Variants in MPDZ observed in about 807,000 individuals in gnomAD.
MPDZ encodes the protein multiple PDZ domain crumbs cell polarity complex component.
In MPDZ, 234 loss-of-function variants were observed where a neutral mutation model predicts 239.1. That is an observed-to-expected ratio of 0.98 (90% CI 0.88 to 1.09). MPDZ has a LOEUF of 1.09. Ranked by LOEUF, MPDZ falls within the 50% of genes least tolerant of loss-of-function variation. MPDZ has a pLI of 0.00. For synonymous variants in MPDZ, 1,048 were observed against 881.3 expected, an observed-to-expected ratio of 1.19 and a Z score of -3.35; for missense variants, 3,175 against 2,510.0, an observed-to-expected ratio of 1.26 and a Z score of -5.66.
At chr9:13,222,665 A>G (rs1174085426) in intron 5 of MPDZ, among the ~76,000 whole-genome samples, 3 of 152,036 alleles carry the variant, frequency 2.0e-5, no homozygotes, top group African/African-American at 7.2e-5. Context: ...AACCCCTCCC[A>G]TATAAAAGTA....
intron 44 of MPDZ, 92 bp from the exon 45 acceptor site, chr9:13,110,156 G>T: frequency 1.2e-6 from 1 of 814,072 alleles, no homozygotes; most frequent in Non-Finnish European, 2.0e-6. Context: ...GGATTAAAAT[G>T]TATATTTTAT....
At position 13,115,232 on chromosome 9, in the gene MPDZ, C is replaced by T. The variant is rs934066233; in HGVS notation, c.5466+16G>A. The T allele has an allele frequency of 6.2e-7, 1 of 1,608,018 alleles. No individual in the cohort carries two copies. Among genetic ancestry groups the T allele is most frequent in the Non-Finnish European group, 8.5e-7 (1 of 1,175,872 alleles). On this transcript the variant is annotated intron_variant, in intron 40 of 46. Transcript: ENST00000319217. The stretch of plus-strand genomic sequence containing the variant: ...ATGCCGATTGCATCGCCCTGATGAA[C>T]TCCACAGCTACCCACCTGGCTGCTT...
At chr9:13,126,798 CAGA>C (rs745773828) in intron 32 of MPDZ, 26 bp from the exon 33 acceptor site, 14 of 1,583,250 alleles carry the variant, frequency 8.8e-6, no homozygotes, top group Non-Finnish European at 1.7e-6. Context: ...CAAAAATGCT[CAGA>C]AGACTTGAAA....
Position 13,188,714 on chromosome 9 carries a change from A to C in MPDZ, c.2364+70T>G, listed in dbSNP as rs1287922718. ...ACGATTCAATCATGAGAACACCTAA[A>C]GCGAAAAGTAGACCTATGAACCATT... On this transcript the variant is annotated intron_variant, in intron 17 of 46. Coordinates refer to ENST00000319217, the MANE Select transcript of MPDZ (RefSeq NM_001378778.1). 3 of 1,378,062 alleles carry C rather than the reference A, an allele frequency of 2.2e-6. No homozygotes were observed. In the African/African-American group the frequency reaches 4.3e-5, roughly 20 times the overall value. 85.4% of individuals were successfully genotyped at this position (1,378,062 alleles called of 1,614,324 possible). A position where few individuals can be genotyped will look rare whatever the true frequency, so the allele number is the denominator to read the frequency against.
chr9:13,245,628 C>T (rs1448537195), intron 3 of MPDZ, among the ~76,000 whole-genome samples: 6 of 152,154 alleles, frequency 3.9e-5, no homozygotes, highest in Non-Finnish European at 8.8e-5. Context: ...ACATGTAAGA[C>T]ATGTCTCATA....
In MPDZ at chr9:13,139,949, C is replaced by T. The variant is rs1170267581; in HGVS notation, c.4003+38G>A. On this transcript the variant is annotated intron_variant, in intron 28 of 46. Coordinates refer to ENST00000319217, the MANE Select transcript of MPDZ (RefSeq NM_001378778.1). ...TGAGAAACTCAGAGCTATTTTAATACCTCTTACAATTAAATGCATCACAAA... is the reference window on the plus strand; with the variant it reads ...TGAGAAACTCAGAGCTATTTTAATATCTCTTACAATTAAATGCATCACAAA... 6 of 1,608,890 alleles carry T rather than the reference C, an allele frequency of 3.7e-6. No individual in the cohort carries two copies. In the African/African-American group the frequency reaches 5.3e-5, roughly 14 times the overall value.
intron 5 of MPDZ, among the ~76,000 whole-genome samples, chr9:13,222,989 C>G (rs957009368): frequency 9.2e-5 from 14 of 152,124 alleles, no homozygotes; most frequent in African/African-American, 3.1e-4. Context: ...AAAAAAATCA[C>G]ACAAATTTTA....
At chr9:13,206,332 T>C (rs1587786938) in intron 10 of MPDZ, among the ~76,000 whole-genome samples, 1 of 152,000 alleles carries the variant, frequency 6.6e-6, no homozygotes, top group South Asian at 2.1e-4. Flanking sequence ...GATTCTGGGG[T>C]ACCATATCCA....
chr9:13,143,576 C>G lies in MPDZ; in HGVS notation c.3742-12G>C, dbSNP rs1563895319. The G allele has an allele frequency of 6.2e-7, 1 of 1,602,040 alleles. No individual in the cohort carries two copies. Among genetic ancestry groups the G allele is most frequent in the Middle Eastern group, 1.7e-4 (1 of 6,030 alleles). ...GGCAAAGGGGATTTCTAAAAGGAAA[C>G]ATAAGAGGCGCTGAACGCAAAGGAA... On this transcript the variant is annotated splice_polypyrimidine_tract_variant and intron_variant, in intron 26 of 46. Transcript: ENST00000319217.
Position 13,247,857 on chromosome 9 carries a change from C to T in MPDZ, c.17-56G>A. The stretch of plus-strand genomic sequence containing the variant: ...AGGATTCAAAGGACACATGTCCAGC[C>T]TAAGAGGACTCCATCTTGTAGAAAT... On this transcript the variant is annotated intron_variant, in intron 2 of 46. Coordinates refer to ENST00000319217, the MANE Select transcript of MPDZ (RefSeq NM_001378778.1). 2.8e-6 allele frequency: 4 copies of T among 1,450,110 alleles called. No individual in the cohort carries two copies. In the South Asian group the frequency reaches 5.4e-5, roughly 19 times the overall value. 89.8% of individuals were successfully genotyped at this position (1,450,110 alleles called of 1,614,324 possible).
chr9:13,113,183 C>G, intron 41 of MPDZ, 129 bp from the exon 42 acceptor site: 1 of 709,930 alleles, frequency 1.4e-6, no homozygotes, highest in Non-Finnish European at 2.3e-6. Context: ...GTGCTCAAAG[C>G]TGCTAGTACA....
intron 38 of MPDZ, chr9:13,120,610 C>T (rs1192226533): frequency 1.3e-5 from 2 of 152,178 alleles, no homozygotes; most frequent in African/African-American, 4.8e-5. Flanking sequence ...AAATAATATG[C>T]TAAATTCTTT....
chr9:13,175,772 G>A lies in MPDZ; in HGVS notation c.3035C>T (p.Ala1012Val). 6.4e-7 allele frequency: 1 copy of A among 1,570,322 alleles called. No individual in the cohort carries two copies. Among genetic ancestry groups the A allele is most frequent in the Non-Finnish European group, 8.7e-7 (1 of 1,156,042 alleles). ...KESFERTINI[A>V]KGNSSLGMTV... ...CTTACCTAGGCTAGAATTGCCTTTT[G>A]CTATATTAATAGTCCTTTCAAAAGA... Residue 1012 changes from alanine to valine, a missense_variant, in exon 21 of 47, where the codon GCA becomes GTA. Transcript: ENST00000319217.
chr9:13,119,469 C>T lies in MPDZ; in HGVS notation c.5379+33G>A. Reference sequence around the variant, plus strand: ...TTAAAATTATCTTTTTTCTTCTACGCTATTACACAGAATTATTTTTTGCAT... The same window carrying T: ...TTAAAATTATCTTTTTTCTTCTACGTTATTACACAGAATTATTTTTTGCAT... On this transcript the variant is annotated intron_variant, in intron 39 of 46. Coordinates refer to ENST00000319217, the MANE Select transcript of MPDZ (RefSeq NM_001378778.1). 6 of 1,596,700 alleles carry T rather than the reference C, an allele frequency of 3.8e-6. 1 individual carries two copies. The highest frequency in any genetic ancestry group is 3.4e-5 in the South Asian group (3 of 88,062).
chr9:13,236,263 ATATATTTTTTTTT>A lies in MPDZ; in HGVS notation c.183+11359_183+11371del, dbSNP rs1392313051. Among the ~76,000 whole-genome samples the A allele has an allele frequency of 5.1e-4, 7 of 13,818 alleles. 2 individuals are homozygous for A. The highest frequency in any genetic ancestry group is 1.1e-3 in the Non-Finnish European group (6 of 5,642). The allele number at this position is 13,818 out of a possible 152,430, so 9.1% of individuals were successfully genotyped here. On this transcript the variant is annotated intron_variant, in intron 3 of 46. Coordinates refer to ENST00000319217, the MANE Select transcript of MPDZ (RefSeq NM_001378778.1). ...TGTGTGTGTGTGTATATATATATAT[ATATATTTTTTTTT>A]TTTTTTTTTTTTTTTTTTGAGACAG... is the stretch of plus-strand genomic sequence containing the variant.
At position 13,140,109 on chromosome 9, in the gene MPDZ, A is replaced by T; in HGVS notation, c.3881T>A (p.Leu1294Ter). ...QSESEPEKAP[L>*]CSVPPPPPSA... ...AGGAGGGGGTGGGGGCACACTGCAC[A>T]ATGGAGCCTTCTCTGGCTCTGACTC... The change falls in exon 28 of 47, where the codon TTG becomes TAG. Residue 1294 changes from leucine (L) to a stop codon, truncating the protein, a stop_gained. Coordinates refer to ENST00000319217, the MANE Select transcript of MPDZ (RefSeq NM_001378778.1). LOFTEE classifies it high-confidence loss of function. 1 of 1,613,480 alleles carries T rather than the reference A, an allele frequency of 6.2e-7. No homozygotes were observed. Among genetic ancestry groups the T allele is most frequent in the Non-Finnish European group, 8.5e-7 (1 of 1,179,770 alleles).
Position 13,108,941 on chromosome 9 carries a change from CAA to C in MPDZ, c.6059_6060del (p.Phe2020CysfsTer7). On this transcript the variant is annotated frameshift_variant, in exon 46 of 47. Transcript: ENST00000319217. LOFTEE classifies it high-confidence loss of function. ...GTTAAAATTTGCAAGCTTACCTTTG[CAA>C]ACACTGTTTTAACATAAATGGGTAA... ...GDLPIYVKTVFAKGAASEDGR... is the reference protein window; with the variant it reads ...GDLPIYVKTVXAKGAASEDGR... 6.2e-7 allele frequency: 1 copy of C among 1,610,332 alleles called. No homozygotes were observed. The highest frequency in any genetic ancestry group is 8.5e-7 in the Non-Finnish European group (1 of 1,177,838).
intron 10 of MPDZ, 124 bp from the exon 11 acceptor site, chr9:13,206,223 A>C: frequency 1.1e-6 from 1 of 891,098 alleles, no homozygotes; most frequent in Non-Finnish European, 1.6e-6. Flanking sequence ...TATTCACCTT[A>C]TCAGGGAATT....
At chr9:13,262,975 A>T (rs2138832881) in intron 1 of MPDZ, among the ~76,000 whole-genome samples, 1 of 152,312 alleles carries the variant, frequency 6.6e-6, no homozygotes, top group Non-Finnish European at 1.5e-5. Flanking sequence ...GACAAATGGA[A>T]GGAGTAGCCG....
Sources: allele counts gnomAD v4.1 joint callset (sites outside exome capture counted in the v4.1 genomes callset), GRCh38; gene constraint gnomAD v4.1.1; transcripts MANE v1.5; gene names NCBI Gene and HGNC (gene_info 2026-07-23, HGNC 2026-07-21).